The following TPX2 variants were observed in gnomAD, a reference collection of about 807,000 sequenced individuals.
TPX2 encodes the protein targeting protein for Xklp2.
TPX2 carries 21 observed loss-of-function variants against 93.6 expected under a neutral mutation model. The observed-to-expected ratio is 0.22, with a 90% CI of 0.16 to 0.32. The LOEUF (loss-of-function observed/expected upper bound fraction) is 0.32, where lower values mean the gene tolerates loss of function less well. Among genes scored for constraint, TPX2 ranks in the 10% least tolerant of loss-of-function variants. The pLI is 1.00. For synonymous variants in TPX2, 281 were observed against 298.3 expected (o/e 0.94, Z 0.60); for missense variants, 776 against 871.1 (o/e 0.89, Z 1.37).
intron 8 of TPX2, among the ~76,000 whole-genome samples, chr20:31,776,821 C>G (rs1238033468): frequency 1.3e-5 from 2 of 152,210 alleles, no homozygotes; most frequent in Non-Finnish European, 2.9e-5. Flanking sequence ...GCCACCGTGC[C>G]TGGCTCACTG....
At chr20:31,760,261 C>T in intron 4 of TPX2, 82 bp downstream of exon 4, 2 of 1,538,618 alleles carry the variant, frequency 1.3e-6, no homozygotes, top group Non-Finnish European at 1.8e-6. Flanking sequence ...GGAAAATTAC[C>T]TAAATGCTCT....
In TPX2 at chr20:31,783,754, C is replaced by A. The variant is rs766700201; in HGVS notation, c.1246C>A (p.Pro416Thr). ...TGATCCCAGAATACTTGAAGGTGGG[C>A]CCATCTTGCCCAAGAAACCACCTGT... is the stretch of plus-strand genomic sequence containing the variant. ...ELDPRILEGG[P>T]ILPKKPPVKP... Residue 416 changes from proline to threonine, a missense_variant, in exon 12 of 18, where the codon CCC becomes ACC. Physicochemically the swap from Pro to Thr is conservative, Grantham distance 38. Coordinates refer to ENST00000300403, the MANE Select transcript of TPX2 (RefSeq NM_012112.5). 11 of 1,612,578 alleles carry A rather than the reference C, an allele frequency of 6.8e-6. No individual in the cohort carries two copies. The highest frequency in any genetic ancestry group is 9.3e-6 in the Non-Finnish European group (11 of 1,179,576).
At chr20:31,765,548 T>C (rs760345970) in intron 4 of TPX2, among the ~76,000 whole-genome samples, 12 of 152,142 alleles carry the variant, frequency 7.9e-5, no homozygotes, top group African/African-American at 2.2e-4. Context: ...TGGGCTCAAG[T>C]GATCTTCCTG....
chr20:31,749,306 C>T (rs935837557), intron 2 of TPX2, among the ~76,000 whole-genome samples: 4 of 152,158 alleles, frequency 2.6e-5, no homozygotes, highest in African/African-American at 9.7e-5. Flanking sequence ...GTGTCTATTC[C>T]ATTTGGAATC....
At chr20:31,800,925 G>C (rs2062167422) in intron 17 of TPX2, 45 bp from the exon 18 acceptor site, 6 of 1,449,982 alleles carry the variant, frequency 4.1e-6, no homozygotes, top group Non-Finnish European at 5.8e-6. Context: ...TATAAGCGTA[G>C]TTCTCTGACA....
chr20:31,765,640 A>G (rs1040754766), intron 4 of TPX2, among the ~76,000 whole-genome samples: 9 of 152,158 alleles, frequency 5.9e-5, no homozygotes, highest in Admixed American at 6.6e-5. Flanking sequence ...TAGTATGATT[A>G]TATCAGCAGT....
At chr20:31,764,960 G>GTT (rs111384414) in intron 4 of TPX2, among the ~76,000 whole-genome samples, 11 of 141,712 alleles carry the variant, frequency 7.8e-5, no homozygotes, top group African/African-American at 1.8e-4. Flanking sequence ...TTTTGTTTTT[G>GTT]TTTTTTTTTT....
chr20:31,797,500 A>C lies in TPX2; in HGVS notation c.1930A>C (p.Lys644Gln). The C allele has an allele frequency of 6.2e-7, 1 of 1,613,944 alleles. No individual in the cohort carries two copies. The highest frequency in any genetic ancestry group is 8.5e-7 in the Non-Finnish European group (1 of 1,179,892). The change falls in exon 16 of 18, where the codon AAG (lysine) becomes CAG (glutamine). Residue 644 changes from lysine to glutamine, a missense_variant. Physicochemically the swap from Lys to Gln is moderately conservative, Grantham distance 53 (BLOSUM62 1). Around this residue, in one of 3 missense-constraint regions of TPX2, gnomAD observed 461 missense variants for 551.2 expected, o/e 0.84. Coordinates refer to ENST00000300403, the MANE Select transcript of TPX2 (RefSeq NM_012112.5). ...GGAGCCCTTTGTTCCCAAGAAAGAG[A>C]AGAAATCAGTTGCTGGTAGTATTAT... ...SQEPFVPKKE[K>Q]KSVAEGLSGS...
At chr20:31,791,106 G>A (rs954897988) in intron 12 of TPX2, among the ~76,000 whole-genome samples, 4 of 152,114 alleles carry the variant, frequency 2.6e-5, no homozygotes, top group Admixed American at 1.3e-4. Context: ...TGGTTGCAAC[G>A]TGATATGTAA....
intron 1 of TPX2, among the ~76,000 whole-genome samples, chr20:31,740,437 CCCCCACG>C (rs2061747063): frequency 6.6e-6 from 1 of 152,130 alleles, no homozygotes; most frequent in Non-Finnish European, 1.5e-5. Flanking sequence ...TATTACATCA[CCCCCACG>C]TCAGACTTGA....
rs969865007 is a variant in TPX2 at position 31,801,575 on chromosome 20, T to C, written c.*495T>C. 6.6e-6 allele frequency: 1 copy of C among 152,624 alleles called. No individual in the cohort carries two copies. The highest frequency in any genetic ancestry group is 1.9e-4 in the East Asian group (1 of 5,186). 9.5% of individuals were successfully genotyped at this position (152,624 alleles called of 1,614,324 possible). A position where few individuals can be genotyped will look rare whatever the true frequency, so the allele number is the denominator to read the frequency against. ...CTCTTCTCTGCATACCGTGAATTTA[T>C]AGTTAAGGATCCCTTTGCTGTGAGG... On this transcript the variant is annotated 3_prime_UTR_variant, in exon 18 of 18. Coordinates refer to ENST00000300403, the MANE Select transcript of TPX2 (RefSeq NM_012112.5).
chr20:31,783,580 C>T (rs1480273686), intron 11 of TPX2, 125 bp from the exon 12 acceptor site: 2 of 938,850 alleles, frequency 2.1e-6, no homozygotes, highest in Non-Finnish European at 3.2e-6. Flanking sequence ...TTATTTTATT[C>T]TGTTGTCCAG....
intron 12 of TPX2, among the ~76,000 whole-genome samples, chr20:31,788,136 G>A (rs1044644652): frequency 1.3e-5 from 2 of 152,118 alleles, no homozygotes; most frequent in African/African-American, 4.8e-5. Flanking sequence ...GAGTAAGTCG[G>A]CCAGGCGCGG....
At position 31,760,178 on chromosome 20, in the gene TPX2, A is replaced by T; in HGVS notation, c.228A>T (p.Pro76=). Reference sequence around the variant, plus strand: ...AAGCTATTGTCACACCTTTGAAACCAGGTAAGAAAACATCTTAGAAAAAAG... The same window carrying T: ...AAGCTATTGTCACACCTTTGAAACCTGGTAAGAAAACATCTTAGAAAAAAG... ...LQQAIVTPLK[P]VDNTYYKEAE... Residue 76 remains proline (P), a splice_region_variant and synonymous_variant, in exon 4 of 18, where the codon CCA becomes CCT. Coordinates refer to ENST00000300403, the MANE Select transcript of TPX2 (RefSeq NM_012112.5). 6.2e-7 allele frequency: 1 copy of T among 1,613,488 alleles called. No homozygotes were observed. Among genetic ancestry groups the T allele is most frequent in the Non-Finnish European group, 8.5e-7 (1 of 1,179,762 alleles).
intron 2 of TPX2, among the ~76,000 whole-genome samples, chr20:31,745,577 C>T (rs2061779429): frequency 6.6e-6 from 1 of 152,194 alleles, no homozygotes; most frequent in Admixed American, 6.5e-5. Context: ...ATCCACCTGC[C>T]TTGGCCTCCC....
chr20:31,760,019 C>A, intron 3 of TPX2, 38 bp from the exon 4 acceptor site: 1 of 1,606,716 alleles, frequency 6.2e-7, no homozygotes, highest in Non-Finnish European at 8.5e-7. Flanking sequence ...GTTTTGCTTC[C>A]TTGCTGATCA....
intron 2 of TPX2, among the ~76,000 whole-genome samples, chr20:31,743,592 G>T (rs2061765825): frequency 6.6e-6 from 1 of 152,042 alleles, no homozygotes; most frequent in Non-Finnish European, 1.5e-5. Context: ...GCTACTTGGG[G>T]GGCCAAGGTG....
At chr20:31,770,511 T>A (rs1255196949) in intron 6 of TPX2, 40 bp downstream of exon 6, 2 of 1,494,834 alleles carry the variant, frequency 1.3e-6, no homozygotes, top group East Asian at 2.5e-5. Context: ...GGCAGACATA[T>A]TGTACCTTGT....
chr20:31,786,830 A>G (rs897580786), intron 12 of TPX2, among the ~76,000 whole-genome samples: 3 of 152,232 alleles, frequency 2.0e-5, no homozygotes, highest in African/African-American at 7.2e-5. Flanking sequence ...TTGAGATCTT[A>G]GAGTAGTTGG....
Sources: allele counts gnomAD v4.1 joint callset (sites outside exome capture counted in the v4.1 genomes callset), GRCh38; gene constraint gnomAD v4.1.1; regional missense constraint gnomAD v4.1.1; transcripts MANE v1.5; gene names NCBI Gene and HGNC (gene_info 2026-07-23, HGNC 2026-07-21).